The following HOXC4 variants were observed in gnomAD, a reference collection of about 807,000 sequenced individuals.
The protein encoded by HOXC4 is homeobox protein Hox-C4.
HOXC4 carries 15 observed loss-of-function variants against 25.5 expected under a neutral mutation model. The observed-to-expected ratio is 0.59, with a 90% CI of 0.39 to 0.91. The LOEUF is 0.91. Ranked by LOEUF, HOXC4 falls within the 40% of genes least tolerant of loss-of-function variation. The probability of loss-of-function intolerance (pLI) is 0.00; values close to 1 mark genes in which losing one functional copy is unlikely to be tolerated. For synonymous variants in HOXC4, 165 were observed against 148.0 expected (o/e 1.11, Z -0.83); for missense variants, 342 against 352.4 (o/e 0.97, Z 0.24).
At chr12:54,020,152 C>T (rs1387100409) in intron 1 of HOXC4, 1 of 152,386 alleles carries the variant, frequency 6.6e-6, no homozygotes, top group Middle Eastern at 3.4e-3. Context: ...TCCCTGCTGA[C>T]GTGGTCCTTC....
intron 1 of HOXC4, chr12:54,033,965 A>AG (rs1187194407): frequency 7.6e-6 from 3 of 394,870 alleles, no homozygotes; most frequent in Non-Finnish European, 1.0e-5. Flanking sequence ...GAGGGGCGGG[A>AG]GGGGGGTCCC....
intron 1 of HOXC4, chr12:54,021,029 C>T (rs1306389355): frequency 1.3e-5 from 2 of 152,324 alleles, no homozygotes; most frequent in Non-Finnish European, 1.5e-5. Context: ...GGCCCTGGCG[C>T]TGGAAGCCTC....
chr12:54,033,961 C>T (rs868494747), intron 1 of HOXC4: 4 of 403,930 alleles, frequency 9.9e-6, no homozygotes, highest in Non-Finnish European at 1.5e-5. Flanking sequence ...TCGGGAGGGG[C>T]GGGAGGGGGG....
chr12:54,017,612 G>A (rs539808672), intron 1 of HOXC4, among the ~76,000 whole-genome samples: 1 of 152,068 alleles, frequency 6.6e-6, no homozygotes, highest in Non-Finnish European at 1.5e-5. Context: ...GTAGTGGGGC[G>A]ATTGTGTTGT....
At chr12:54,037,997 G>A (rs1388863462) in intron 1 of HOXC4, 1 of 152,204 alleles carries the variant, frequency 6.6e-6, no homozygotes, top group Non-Finnish European at 1.5e-5. Context: ...CTTCGCAAAT[G>A]AATCCCAGGC....
At chr12:54,049,825 T>C (rs1393140001), upstream of HOXC4, among the ~76,000 whole-genome samples, 1 of 150,876 alleles carries the variant, frequency 6.6e-6, no homozygotes, top group Non-Finnish European at 1.5e-5. Context: ...TGAGCCTTGA[T>C]TTAGTTTTGG....
At position 54,053,904 on chromosome 12, in the gene HOXC4, T is replaced by C; in HGVS notation, c.-19T>C. On this transcript the variant is annotated 5_prime_UTR_variant, in exon 1 of 2. Transcript: ENST00000430889. ...AAAAACGACAAAGCGAGAAAAATTA[T>C]TTTCCACTCCAGAAATTAATGATCA... 1.3e-6 allele frequency: 2 copies of C among 1,581,412 alleles called. No homozygotes were observed. The highest frequency in any genetic ancestry group is 1.7e-6 in the Non-Finnish European group (2 of 1,153,988).
chr12:54,046,518 C>T (rs977912878), intron 1 of HOXC4, among the ~76,000 whole-genome samples: 10 of 151,916 alleles, frequency 6.6e-5, no homozygotes, highest in Non-Finnish European at 1.3e-4. Context: ...TTCCCAATCC[C>T]CTTCTCTCCT....
upstream of HOXC4, among the ~76,000 whole-genome samples, chr12:54,049,694 A>G (rs927702686): frequency 6.6e-5 from 10 of 151,732 alleles, no homozygotes; most frequent in Admixed American, 5.3e-4. Flanking sequence ...AGATTTGCAT[A>G]TTCTTTTGCA....
At chr12:54,030,807 T>C (rs1181074957) in intron 1 of HOXC4, 1 of 152,294 alleles carries the variant, frequency 6.6e-6, no homozygotes, top group Non-Finnish European at 1.5e-5. Context: ...AAAACTGATA[T>C]TATTTTTAAA....
At chr12:54,017,591 A>G (rs982598698) in intron 1 of HOXC4, among the ~76,000 whole-genome samples, 22 of 150,662 alleles carry the variant, frequency 1.5e-4, no homozygotes, top group East Asian at 3.9e-4. Flanking sequence ...AAACTGGAAT[A>G]CCGGTAACTG....
chr12:54,047,139 C>T (rs539686818), intron 1 of HOXC4, among the ~76,000 whole-genome samples: 4 of 152,372 alleles, frequency 2.6e-5, no homozygotes, highest in South Asian at 4.1e-4. Context: ...AAGCCTGGAG[C>T]CAGGCGTCGC....
At chr12:54,044,834 C>T (rs959952289) in intron 1 of HOXC4, among the ~76,000 whole-genome samples, 1 of 152,008 alleles carries the variant, frequency 6.6e-6, no homozygotes, top group African/African-American at 2.4e-5. Flanking sequence ...TGAGTCTTCC[C>T]CTCCTAAGGA....
rs534985263 is a variant in HOXC4, at chr12:54,037,170, C to T, written c.-123-15990C>T. ...CTGCAGCATCGTCGGGAGTCAGCGG[C>T]GGCAACCAAGCCAGAGGCCTCGTAC... On this transcript the variant is annotated intron_variant, in intron 1 of 3. Coordinates refer to the HOXC4 transcript ENST00000303406. Among the ~76,000 whole-genome samples, 9 of 152,322 alleles carry T rather than the reference C, an allele frequency of 5.9e-5. 1 individual carries two copies. The highest frequency in any genetic ancestry group is 2.6e-4 in the Admixed American group (4 of 15,300).
chr12:54,046,379 T>C (rs73112560), intron 1 of HOXC4, among the ~76,000 whole-genome samples: 2,147 of 152,232 alleles, frequency 0.014, 27 homozygotes, highest in Middle Eastern at 0.044. Context: ...CGGACTCTTA[T>C]TTACCCGGCA....
intron 1 of HOXC4, among the ~76,000 whole-genome samples, chr12:54,024,100 A>T (rs909340151): frequency 1.3e-5 from 2 of 152,208 alleles, no homozygotes; most frequent in Admixed American, 6.5e-5. Context: ...GCCTTAACCA[A>T]ATAGTGTGAT....
rs374395964 is a variant in HOXC4 at position 54,026,939 on chromosome 12, C to A, written c.-124+9525C>A. Among the ~76,000 whole-genome samples, 20 of 141,780 alleles carry A rather than the reference C, an allele frequency of 1.4e-4. 1 individual carries two copies. Among genetic ancestry groups the A allele is most frequent in the African/African-American group, 1.6e-4 (6 of 36,940 alleles). 93.0% of individuals were successfully genotyped at this position (141,780 alleles called of 152,430 possible). ...GGGTTCTTGTTATAGCCAGCTTTCC[C>A]CCCCCCCAACCCACCCAAAAATGGT... On this transcript the variant is annotated intron_variant, in intron 1 of 3. Coordinates refer to the HOXC4 transcript ENST00000303406.
At chr12:54,048,814 G>A (rs1264732683) in intron 1 of HOXC4, among the ~76,000 whole-genome samples, 1 of 152,022 alleles carries the variant, frequency 6.6e-6, no homozygotes, top group Admixed American at 6.6e-5. Flanking sequence ...ACCAGGCCAG[G>A]GACCCCTCCA....
chr12:54,047,625 G>T (rs916459653), intron 1 of HOXC4: 1 of 152,808 alleles, frequency 6.5e-6, no homozygotes, highest in African/African-American at 2.4e-5. Context: ...CAAGGCTGGG[G>T]GTCCCGGGTT....
Sources: gnomAD v4.1 joint callset for allele counts (sites outside exome capture counted in the v4.1 genomes callset) on GRCh38, gnomAD v4.1.1 for gene constraint, MANE v1.5 for transcripts, NCBI Gene and HGNC (gene_info 2026-07-23, HGNC 2026-07-21) for gene names.